NYAP2: variants seen among roughly 807,000 people sequenced by gnomAD.
NYAP2 encodes neuronal tyrosine-phosphorylated phosphoinositide-3-kinase adaptor 2, also known as neuronal tyrosine-phosphorylated phosphoinositide-3-kinase adapter 2.
Under a neutral mutation model 50.4 loss-of-function variants are expected in NYAP2, and 23 were observed. That is an observed-to-expected ratio of 0.46 (90% confidence interval 0.33 to 0.65). The LOEUF (loss-of-function observed/expected upper bound fraction) is 0.65. Ranked by LOEUF, NYAP2 falls within the 30% of genes least tolerant of loss-of-function variation. The pLI, the probability that NYAP2 is intolerant of heterozygous loss-of-function variation, is 0.02. For missense variants in NYAP2, 885 were observed against 861.0 expected (o/e 1.03, Z -0.35); for synonymous variants, 394 against 365.2 (o/e 1.08, Z -0.90).
rs779266078 is a variant in NYAP2, at chr2:225,513,701, G to T, written c.523+29G>T. 6 of 1,481,516 alleles carry T rather than the reference G, an allele frequency of 4.0e-6. No homozygotes were observed. The East Asian group carries it at 1.5e-4, about 36-fold the overall frequency. 91.8% of individuals were successfully genotyped at this position (1,481,516 alleles called of 1,614,324 possible). On this transcript the variant is annotated intron_variant, in intron 4 of 6. Transcript: ENST00000636099. ...AAACACGCCATGTCCATGTCACCTA[G>T]AAATCTCTTTCAGATAGTATGTTCA... is the stretch of plus-strand genomic sequence containing the variant.
intron 3 of NYAP2, among the ~76,000 whole-genome samples, chr2:225,433,816 CAAAA>C (rs35886164): frequency 9.6e-5 from 6 of 62,482 alleles, no homozygotes; most frequent in Admixed American, 5.1e-4. Flanking sequence ...GACTCCGTCT[CAAAA>C]AAAAAAAAAA....
intron 3 of NYAP2, among the ~76,000 whole-genome samples, chr2:225,422,542 A>G (rs1695231442): frequency 6.6e-6 from 1 of 152,200 alleles, no homozygotes; most frequent in Non-Finnish European, 1.5e-5. Context: ...AAAAAAGGAC[A>G]GATAACTGGA....
intron 3 of NYAP2, among the ~76,000 whole-genome samples, chr2:225,499,161 G>A (rs1323947268): frequency 6.6e-6 from 1 of 152,178 alleles, no homozygotes; most frequent in Non-Finnish European, 1.5e-5. Flanking sequence ...TTGGAAAAAT[G>A]TAAAAGCAGG....
chr2:225,612,796 G>GGACATAACACCCAATGTGTGTGAT (rs1692916667), intron 5 of NYAP2, among the ~76,000 whole-genome samples: 1 of 124,388 alleles, frequency 8.0e-6, no homozygotes. Context: ...CCCCACCTTT[G>GGACATAACACCCAATGTGTGTGAT]GACATCACAC....
chr2:225,557,242 A>T (rs1389550754), intron 4 of NYAP2, among the ~76,000 whole-genome samples: 1 of 152,118 alleles, frequency 6.6e-6, no homozygotes, highest in Non-Finnish European at 1.5e-5. Context: ...TACCTTCTGG[A>T]CATCAAATAT....
intron 3 of NYAP2, among the ~76,000 whole-genome samples, chr2:225,508,814 ATGC>A (rs1353487613): frequency 6.6e-6 from 1 of 152,202 alleles, no homozygotes; most frequent in Admixed American, 6.5e-5. Flanking sequence ...CTCAACTAAA[ATGC>A]TGCACCAGAT....
intron 4 of NYAP2, among the ~76,000 whole-genome samples, chr2:225,527,312 G>A (rs191718317): frequency 3.9e-5 from 6 of 152,158 alleles, no homozygotes; most frequent in East Asian, 1.9e-4. Flanking sequence ...GCTGTGTAAC[G>A]AACTACCACA....
the NYAP2 span, among the ~76,000 whole-genome samples, chr2:225,683,430 C>T: frequency 1.3e-5 from 2 of 152,170 alleles, no homozygotes. Flanking sequence ...TTTAAGCTAG[C>T]TGGCATCCTC....
chr2:225,606,633 A>T (rs990394885), intron 5 of NYAP2, among the ~76,000 whole-genome samples: 33 of 152,274 alleles, frequency 2.2e-4, no homozygotes, highest in African/African-American at 7.2e-4. Flanking sequence ...GAAAACAGAA[A>T]TGGTAGAGAC....
chr2:225,610,487 A>C (rs961499009), intron 5 of NYAP2, among the ~76,000 whole-genome samples: 1 of 152,154 alleles, frequency 6.6e-6, no homozygotes, highest in African/African-American at 2.4e-5. Flanking sequence ...TTAACATGTG[A>C]ATTTTAAGGG....
At chr2:225,633,579 T>C (rs1000251009) in intron 6 of NYAP2, among the ~76,000 whole-genome samples, 59 of 152,376 alleles carry the variant, frequency 3.9e-4, no homozygotes, top group South Asian at 6.2e-4. Flanking sequence ...CTAAGTTCTA[T>C]ATTCCCACAT....
intron 4 of NYAP2, among the ~76,000 whole-genome samples, chr2:225,562,697 T>C (rs1229449536): frequency 1.3e-5 from 2 of 152,144 alleles, no homozygotes; most frequent in East Asian, 3.9e-4. Context: ...TTGTTCTGTA[T>C]AGTTTGTACC....
In NYAP2 at chr2:225,502,866, C is replaced by A. The variant is rs532193623; in HGVS notation, c.222-10505C>A. ...CAAGAGCCAGTGACTTTCTGAGGAC[C>A]CTGACCACTCTGTTCTGTTCACTGC... On this transcript the variant is annotated intron_variant, in intron 3 of 6. Coordinates refer to ENST00000636099, the Ensembl canonical transcript of NYAP2. Among the ~76,000 whole-genome samples, 8 of 152,244 alleles carry A rather than the reference C, an allele frequency of 5.3e-5. No individual in the cohort carries two copies. In the South Asian group the frequency reaches 1.7e-3, roughly 32 times the overall value.
At chr2:225,398,484 C>T (rs1398990965), upstream of NYAP2, among the ~76,000 whole-genome samples, 3 of 151,918 alleles carry the variant, frequency 2.0e-5, no homozygotes, top group Admixed American at 2.0e-4. Flanking sequence ...TGAAAGACAA[C>T]ATCTATGAGA....
chr2:225,651,739 G>C, exon 7 of NYAP2: 2 of 705,626 alleles, frequency 2.8e-6, no homozygotes, highest in Non-Finnish European at 4.6e-6. Flanking sequence ...CCTTGTGATT[G>C]GTGGTGAAAC....
At chr2:225,442,366 A>G (rs74735438) in intron 3 of NYAP2, among the ~76,000 whole-genome samples, 6,804 of 152,280 alleles carry the variant, frequency 0.045, 170 homozygotes, top group Middle Eastern at 0.099. Flanking sequence ...ATCTGAAGCC[A>G]CCAAACAGTG....
chr2:225,687,546 C>T, the NYAP2 span, among the ~76,000 whole-genome samples: 3 of 152,252 alleles, frequency 2.0e-5, no homozygotes, highest in Middle Eastern at 3.4e-3. Context: ...ATTATTGACA[C>T]ATATATTCTT....
chr2:225,436,995 C>T (rs2106137920), intron 3 of NYAP2, among the ~76,000 whole-genome samples: 1 of 151,912 alleles, frequency 6.6e-6, no homozygotes, highest in South Asian at 2.1e-4. Flanking sequence ...AGAAGTCACC[C>T]TGAGGAATTG....
At chr2:225,642,366 T>C (rs1693548146) in intron 6 of NYAP2, among the ~76,000 whole-genome samples, 1 of 152,196 alleles carries the variant, frequency 6.6e-6, no homozygotes, top group East Asian at 1.9e-4. Context: ...TTTTAGTACA[T>C]GGTTTTTGCT....
Sources: allele counts gnomAD v4.1 joint callset (sites outside exome capture counted in the v4.1 genomes callset), GRCh38; gene constraint gnomAD v4.1.1; transcripts MANE v1.5; gene names NCBI Gene and HGNC (gene_info 2026-07-23, HGNC 2026-07-21).